PPARGC1A: variants seen among roughly 807,000 people sequenced by gnomAD.
PPARGC1A encodes peroxisome proliferator-activated receptor gamma coactivator 1-alpha.
Under a neutral mutation model 88.7 loss-of-function variants are expected in PPARGC1A, and 25 were observed. The ratio of observed to expected loss-of-function variants is 0.28; its 90% CI spans 0.21 to 0.39. The LOEUF (loss-of-function observed/expected upper bound fraction) is 0.39, where lower values mean the gene tolerates loss of function less well. Among genes scored for constraint, PPARGC1A ranks in the 10% least tolerant of loss-of-function variants. PPARGC1A has a pLI of 1.00. For synonymous variants in PPARGC1A, 363 were observed against 355.6 expected (o/e 1.02, Z -0.24); for missense variants, 880 against 968.7 (o/e 0.91, Z 1.22).
At chr4:24,195,955 T>C in the PPARGC1A span, among the ~76,000 whole-genome samples, 2 of 152,344 alleles carry the variant, frequency 1.3e-5, no homozygotes, top group East Asian at 3.9e-4. Flanking sequence ...ACAACTGATT[T>C]ACAAGTTGGG....
At chr4:24,080,708 C>T in the PPARGC1A span, among the ~76,000 whole-genome samples, 2 of 152,096 alleles carry the variant, frequency 1.3e-5, no homozygotes, top group Admixed American at 6.6e-5. Context: ...TCTTCAATCA[C>T]TTTAGGAGAA....
At chr4:24,091,369 G>T in the PPARGC1A span, 1 of 885,722 alleles carries the variant, frequency 1.1e-6, no homozygotes, top group Non-Finnish European at 1.4e-6. Flanking sequence ...CTTGCAGATA[G>T]CACAGTTCCA....
chr4:24,035,956 G>A, the PPARGC1A span, among the ~76,000 whole-genome samples: 4 of 152,174 alleles, frequency 2.6e-5, no homozygotes, highest in Non-Finnish European at 4.4e-5. Flanking sequence ...GAATAGCTAC[G>A]TGTTTACTTC....
chr4:24,246,592 C>T, the PPARGC1A span, among the ~76,000 whole-genome samples: 1 of 151,968 alleles, frequency 6.6e-6, no homozygotes, highest in Non-Finnish European at 1.5e-5. Flanking sequence ...CTCCAGCCTG[C>T]GTGACACAGC....
chr4:23,844,434 TTA>T (rs1222151871), intron 2 of PPARGC1A, among the ~76,000 whole-genome samples: 1 of 127,808 alleles, frequency 7.8e-6, no homozygotes, highest in African/African-American at 3.0e-5. Flanking sequence ...ATTATATATA[TTA>T]TATATAATAT....
At chr4:24,349,115 T>C in the PPARGC1A span, among the ~76,000 whole-genome samples, 1 of 152,190 alleles carries the variant, frequency 6.6e-6, no homozygotes, top group Non-Finnish European at 1.5e-5. Flanking sequence ...TCCAGGCTGG[T>C]ACTGGGGGTT....
At chr4:24,188,649 G>A in the PPARGC1A span, among the ~76,000 whole-genome samples, 1 of 152,120 alleles carries the variant, frequency 6.6e-6, no homozygotes, top group African/African-American at 2.4e-5. Context: ...AAAATAACAA[G>A]TGTTGGAGAG....
chr4:24,068,749 A>G, the PPARGC1A span, among the ~76,000 whole-genome samples: 4 of 152,320 alleles, frequency 2.6e-5, no homozygotes, highest in East Asian at 5.8e-4. Flanking sequence ...TAAGTCTTGA[A>G]GGTGACACTG....
chr4:24,382,443 AG>A, the PPARGC1A span, among the ~76,000 whole-genome samples: 1 of 152,192 alleles, frequency 6.6e-6, no homozygotes, highest in Non-Finnish European at 1.5e-5. Context: ...AAAGGCAGGA[AG>A]TAAGGGAGGG....
the PPARGC1A span, among the ~76,000 whole-genome samples, chr4:24,052,308 C>T: frequency 6.6e-6 from 1 of 152,134 alleles, no homozygotes; most frequent in Non-Finnish European, 1.5e-5. Flanking sequence ...ATGGGGATGA[C>T]ATGGCCTCTT....
chr4:23,908,425 T>C (rs1249432702), upstream of PPARGC1A, among the ~76,000 whole-genome samples: 1 of 151,424 alleles, frequency 6.6e-6, no homozygotes, highest in Non-Finnish European at 1.5e-5. Flanking sequence ...ATTGGTGACA[T>C]AGGAGAGAAG....
chr4:24,124,605 G>A, the PPARGC1A span, among the ~76,000 whole-genome samples: 1 of 152,140 alleles, frequency 6.6e-6, no homozygotes, highest in Admixed American at 6.6e-5. Context: ...GGGAGAGGGA[G>A]CTCCTAGTTG....
the PPARGC1A span, among the ~76,000 whole-genome samples, chr4:24,246,895 T>C: frequency 6.6e-6 from 1 of 152,060 alleles, no homozygotes; most frequent in Non-Finnish European, 1.5e-5. Context: ...AAATGAAGAT[T>C]GCAATACACA....
chr4:24,128,477 G>C, the PPARGC1A span, among the ~76,000 whole-genome samples: 1 of 151,646 alleles, frequency 6.6e-6, no homozygotes, highest in East Asian at 2.0e-4. Context: ...GTAACAGAAA[G>C]AACTAAAGCT....
the PPARGC1A span, among the ~76,000 whole-genome samples, chr4:24,300,459 G>A: frequency 1.9e-3 from 273 of 145,362 alleles, 2 homozygotes; most frequent in African/African-American, 6.7e-3. Flanking sequence ...CAAAATACAC[G>A]GCTGTGTAAA....
At chr4:24,404,015 G>T in the PPARGC1A span, among the ~76,000 whole-genome samples, 2 of 152,108 alleles carry the variant, frequency 1.3e-5, no homozygotes, top group South Asian at 4.1e-4. Flanking sequence ...TGTAATCCCA[G>T]CACTTTGGGA....
At chr4:23,854,687 T>C (rs146936663) in intron 2 of PPARGC1A, among the ~76,000 whole-genome samples, 2,054 of 128,094 alleles carry the variant, frequency 0.016, 41 homozygotes, top group African/African-American at 0.058. Flanking sequence ...AAAGGCAAGA[T>C]TCACCTTTAA....
the PPARGC1A span, among the ~76,000 whole-genome samples, chr4:24,062,659 A>G: frequency 6.6e-6 from 1 of 152,180 alleles, no homozygotes; most frequent in Admixed American, 6.5e-5. Flanking sequence ...TCTTCGTCAG[A>G]GCTTTACAAG....
At chr4:23,889,343 G>T in intron 1 of PPARGC1A, 6 of 985,318 alleles carry the variant, frequency 6.1e-6, no homozygotes, top group Non-Finnish European at 7.2e-6. Context: ...AGTTTTAAAG[G>T]AAGCAGCATC....
Sources: allele counts gnomAD v4.1 joint callset (sites outside exome capture counted in the v4.1 genomes callset), GRCh38; gene constraint gnomAD v4.1.1; transcripts MANE v1.5; gene names NCBI Gene and HGNC (gene_info 2026-07-23, HGNC 2026-07-21).